The following OR1C1 variants were observed in gnomAD, a reference collection of about 807,000 sequenced individuals.
OR1C1 encodes olfactory receptor 1C1.
For synonymous variants in OR1C1, 153 were observed against 154.6 expected (o/e 0.99, Z 0.08); for missense variants, 407 against 384.3 (o/e 1.06, Z -0.49).
At position 247,757,753 on chromosome 1, in the gene OR1C1, A is replaced by G. The variant is rs769616154; in HGVS notation, c.654T>C (p.Tyr218=). ...TCAGAACAGTGGAGAAGATAAGTCC[A>G]TAAGATACGAGGATACAGACAAGGG... The part of the protein sequence containing the change: ...LTPLVCILVS[Y]GLIFSTVLKI... The change falls in exon 2 of 2, where the codon TAT becomes TAC. Residue 218 remains tyrosine, a synonymous_variant. Transcript: ENST00000641256. 6 of 1,613,994 alleles carry G rather than the reference A, an allele frequency of 3.7e-6. No homozygotes were observed. In the African/African-American group the frequency reaches 5.3e-5, roughly 14 times the overall value.
Position 247,757,330 on chromosome 1 carries a change from G to A in OR1C1, c.*132C>T. 1.5e-6 allele frequency: 1 copy of A among 653,716 alleles called. No homozygotes were observed. The highest frequency in any genetic ancestry group is 2.7e-6 in the Non-Finnish European group (1 of 374,878). The allele number at this position is 653,716 out of a possible 1,614,324, so 40.5% of individuals were successfully genotyped here. On this transcript the variant is annotated 3_prime_UTR_variant, in exon 2 of 2. Transcript: ENST00000641256. The stretch of plus-strand genomic sequence containing the variant: ...GATTTAATGTGATAATTCATATAAA[G>A]TGCTTAACACGATTTCCAGCATAAG...
At chr1:247,760,017 CTTGGTCT>C (rs1661302303) in intron 1 of OR1C1, among the ~76,000 whole-genome samples, 3 of 152,114 alleles carry the variant, frequency 2.0e-5, no homozygotes, top group Admixed American at 6.5e-5. Flanking sequence ...TCCCCTTTTT[CTTGGTCT>C]ACTTCATTGT....
At chr1:247,759,113 C>A (rs1189093240) in intron 1 of OR1C1, among the ~76,000 whole-genome samples, 5 of 152,290 alleles carry the variant, frequency 3.3e-5, no homozygotes, top group African/African-American at 1.2e-4. Flanking sequence ...TCTCCCATAC[C>A]TATCAACATT....
intron 1 of OR1C1, 104 bp from the exon 2 acceptor site, chr1:247,758,523 C>G: frequency 1.6e-6 from 1 of 612,368 alleles, no homozygotes; most frequent in Non-Finnish European, 2.8e-6. Context: ...TGTGTGCATG[C>G]GTGCGCAGGT....
In OR1C1 at chr1:247,758,237, G is replaced by C. The variant is rs1661262705; in HGVS notation, c.170C>G (p.Ser57Cys). The change falls in exon 2 of 2, where the codon TCC (serine) becomes TGC (cysteine). Residue 57 changes from serine (S) to cysteine (C), a missense_variant. Coordinates refer to ENST00000641256, the MANE Select transcript of OR1C1 (RefSeq NM_012353.3). ...GTTACTAAGGAAGAAGTACATAGGG[G>C]AATGGAGGTGAGAGTCAAAGCCAAT... ...ATIGFDSHLH[S>C]PMYFFLSNLA... 6.2e-7 allele frequency: 1 copy of C among 1,613,930 alleles called. No individual in the cohort carries two copies. Among genetic ancestry groups the C allele is most frequent in the South Asian group, 1.1e-5 (1 of 91,072 alleles).
intron 1 of OR1C1, among the ~76,000 whole-genome samples, chr1:247,759,643 C>A (rs1025787092): frequency 6.6e-6 from 1 of 152,074 alleles, no homozygotes; most frequent in Non-Finnish European, 1.5e-5. Context: ...AGATAATATA[C>A]ATGTTCTGGT....
At position 247,756,255 on chromosome 1, in the gene OR1C1, T is replaced by C. The variant is rs1015094590; in HGVS notation, c.*1207A>G. 1.3e-5 allele frequency: 2 copies of C among 152,198 alleles called. No individual in the cohort carries two copies. Among genetic ancestry groups the C allele is most frequent in the Admixed American group, 1.3e-4 (2 of 15,270 alleles). 9.4% of individuals were successfully genotyped at this position (152,198 alleles called of 1,614,324 possible). A position where few individuals can be genotyped will look rare whatever the true frequency, so the allele number is the denominator to read the frequency against. On this transcript the variant is annotated 3_prime_UTR_variant, in exon 2 of 2. Coordinates refer to ENST00000641256, the MANE Select transcript of OR1C1 (RefSeq NM_012353.3). The surrounding 1 kb of genome is among the most constrained non-coding windows in gnomAD (Gnocchi z 4.3). ...TAAACATAGCTCCTAATAGGTATTT[T>C]TTAAACCCTATTTGGTATTATAAAT... is the stretch of plus-strand genomic sequence containing the variant.
chr1:247,757,860 G>C lies in OR1C1; in HGVS notation c.547C>G (p.Pro183Ala). 1 of 1,614,040 alleles carries C rather than the reference G, an allele frequency of 6.2e-7. No homozygotes were observed. Among genetic ancestry groups the C allele is most frequent in the South Asian group, 1.1e-5 (1 of 91,076 alleles). ...IIHHFFCDLN[P>A]LLQLSCSDVS... ...TCAGAGCAAGAGAGCTGCAGGAGAG[G>C]ATTGAGATCACAGAAGAAATGATGG... Residue 183 changes from proline to alanine, a missense_variant, in exon 2 of 2, where the codon CCT (proline) becomes GCT (alanine). Physicochemically the swap from Pro to Ala is conservative, Grantham distance 27. Transcript: ENST00000641256.
rs967686938 is a variant in OR1C1 at position 247,754,908 on chromosome 1, T to C, written c.*2554A>G. 5 of 152,166 alleles carry C rather than the reference T, an allele frequency of 3.3e-5. No individual in the cohort carries two copies. Among genetic ancestry groups the C allele is most frequent in the Admixed American group, 2.0e-4 (3 of 15,262 alleles). The allele number at this position is 152,166 out of a possible 1,614,324, so 9.4% of individuals were successfully genotyped here. ...TCCCTGTGTACTCCATAAGTGTGTA[T>C]GATTATTTTATGCCAATTAAATTTT... On this transcript the variant is annotated 3_prime_UTR_variant, in exon 2 of 2. Transcript: ENST00000641256.
In OR1C1 at chr1:247,759,365, C is replaced by A. The variant is rs778135184; in HGVS notation, c.-13-946G>T. 7.1e-4 allele frequency among the ~76,000 whole-genome samples: 108 copies of A among 151,990 alleles called. 2 individuals carry two copies. Among genetic ancestry groups the A allele is most frequent in the Non-Finnish European group, 2.2e-4 (15 of 67,988 alleles). ...CACAATTTAGGACCAAAGTTTTTTT[C>A]TGACTGAAGCAAAATTTGTGATACC... On this transcript the variant is annotated intron_variant, in intron 1 of 1. Transcript: ENST00000641256.
chr1:247,758,370 C>T lies in OR1C1; in HGVS notation c.37G>A (p.Val13Ile), dbSNP rs187263571. Residue 13 changes from valine to isoleucine, a missense_variant, in exon 2 of 2, where the codon GTC (valine) becomes ATC (isoleucine). Transcript: ENST00000641256. ...KRNLTVVREF[V>I]LLGLPSSAEQ... Reference sequence around the variant, plus strand: ...GCTGAGCTAGGAAGTCCCAGAAGGACGAATTCCCTGACAACTGTTAGATTT... The same window carrying T: ...GCTGAGCTAGGAAGTCCCAGAAGGATGAATTCCCTGACAACTGTTAGATTT... 44 of 1,612,076 alleles carry T rather than the reference C, an allele frequency of 2.7e-5. No individual in the cohort carries two copies. The highest frequency in any genetic ancestry group is 8.9e-5 in the East Asian group (4 of 44,838).
Position 247,757,191 on chromosome 1 carries a change from T to C in OR1C1, c.*271A>G. On this transcript the variant is annotated 3_prime_UTR_variant, in exon 2 of 2. Transcript: ENST00000641256. ...GATTCTCATCACTAAGGTATATTTG[T>C]ACTGGAGTCAGAAACTATTTATCAG... 4.1e-6 allele frequency: 1 copy of C among 242,780 alleles called. No individual in the cohort carries two copies. Among genetic ancestry groups the C allele is most frequent in the South Asian group, 8.9e-5 (1 of 11,268 alleles). 15.0% of individuals were successfully genotyped at this position (242,780 alleles called of 1,614,324 possible). A position where few individuals can be genotyped will look rare whatever the true frequency, so the allele number is the denominator to read the frequency against.
rs1008101792 is a variant in OR1C1 at position 247,756,138 on chromosome 1, T to A, written c.*1324A>T. 2.0e-5 allele frequency: 3 copies of A among 152,306 alleles called. No individual in the cohort carries two copies. Among genetic ancestry groups the A allele is most frequent in the Non-Finnish European group, 2.9e-5 (2 of 68,028 alleles). 9.4% of individuals were successfully genotyped at this position (152,306 alleles called of 1,614,324 possible). Reference sequence around the variant, plus strand: ...CTGAGAATCTACATTTTTAAACTGTTATTTTAGATTCAGGGGTACATGTGC... The same window carrying A: ...CTGAGAATCTACATTTTTAAACTGTAATTTTAGATTCAGGGGTACATGTGC... On this transcript the variant is annotated 3_prime_UTR_variant, in exon 2 of 2. Coordinates refer to ENST00000641256, the MANE Select transcript of OR1C1 (RefSeq NM_012353.3). This position sits in a 1 kb window ranked among gnomAD's most constrained non-coding sequence, Gnocchi z 4.3.
rs1312505941 is a variant in OR1C1 at position 247,756,143 on chromosome 1, T to G, written c.*1319A>C. 2 of 152,158 alleles carry G rather than the reference T, an allele frequency of 1.3e-5. No homozygotes were observed. Among genetic ancestry groups the G allele is most frequent in the Non-Finnish European group, 2.9e-5 (2 of 68,022 alleles). 9.4% of individuals were successfully genotyped at this position (152,158 alleles called of 1,614,324 possible). A position where few individuals can be genotyped will look rare whatever the true frequency, so the allele number is the denominator to read the frequency against. On this transcript the variant is annotated 3_prime_UTR_variant, in exon 2 of 2. Transcript: ENST00000641256. The surrounding 1 kb of genome is among the most constrained non-coding windows in gnomAD (Gnocchi z 4.3). The stretch of plus-strand genomic sequence containing the variant: ...AATCTACATTTTTAAACTGTTATTT[T>G]AGATTCAGGGGTACATGTGCAGATT...
chr1:247,757,338 C>G lies in OR1C1; in HGVS notation c.*124G>C. ...GTGATAATTCATATAAAGTGCTTAA[C>G]ACGATTTCCAGCATAAGGGAGACAT... On this transcript the variant is annotated 3_prime_UTR_variant, in exon 2 of 2. Coordinates refer to ENST00000641256, the MANE Select transcript of OR1C1 (RefSeq NM_012353.3). 1.4e-6 allele frequency: 1 copy of G among 701,864 alleles called. No individual in the cohort carries two copies. The highest frequency in any genetic ancestry group is 2.4e-6 in the Non-Finnish European group (1 of 412,956). The allele number at this position is 701,864 out of a possible 1,614,324, so 43.5% of individuals were successfully genotyped here.
rs965979427 is a variant in OR1C1, at chr1:247,755,915, G to A, written c.*1547C>T. 1 of 152,134 alleles carries A rather than the reference G, an allele frequency of 6.6e-6. No individual in the cohort carries two copies. Among genetic ancestry groups the A allele is most frequent in the Non-Finnish European group, 1.5e-5 (1 of 68,048 alleles). The allele number at this position is 152,134 out of a possible 1,614,324, so 9.4% of individuals were successfully genotyped here. ...GGGGGATATTTGAAAGCCTAACATG[G>A]ATGGTCTCTAAACCCTAGCAGTGTC... On this transcript the variant is annotated 3_prime_UTR_variant, in exon 2 of 2. Transcript: ENST00000641256.
chr1:247,757,539 A>G lies in OR1C1; in HGVS notation c.868T>C (p.Tyr290His). The G allele has an allele frequency of 6.2e-7, 1 of 1,614,040 alleles. No homozygotes were observed. The highest frequency in any genetic ancestry group is 8.5e-7 in the Non-Finnish European group (1 of 1,180,004). The change falls in exon 2 of 2, where the codon TAT becomes CAT. Residue 290 changes from tyrosine (Y) to histidine (H), a missense_variant. Coordinates refer to ENST00000641256, the MANE Select transcript of OR1C1 (RefSeq NM_012353.3). ...MVAPMLNPFI[Y>H]TLRNRDMKRG... is the part of the protein sequence containing the mutation. ...TTCATATCCCTGTTCCTTAGGGTAT[A>G]GATGAAAGGATTCAGCATCGGAGCC...
Position 247,758,175 on chromosome 1 carries a change from C to T in OR1C1, c.232G>A (p.Val78Ile), listed in dbSNP as rs1306378425. The part of the protein sequence containing the change: ...FVDICFTSTT[V>I]PQMVVNILTG... ...AAGATATTCACTACCATTTGGGGGACTGTAGTCGACGTAAAGCAGATGTCA... is the reference window on the plus strand; with the variant it reads ...AAGATATTCACTACCATTTGGGGGATTGTAGTCGACGTAAAGCAGATGTCA... The change falls in exon 2 of 2, where the codon GTC becomes ATC. Residue 78 changes from valine (V) to isoleucine (I), a missense_variant. Val to Ile is a conservative substitution (Grantham distance 29). Coordinates refer to ENST00000641256, the MANE Select transcript of OR1C1 (RefSeq NM_012353.3). 6.2e-7 allele frequency: 1 copy of T among 1,614,038 alleles called. No homozygotes were observed. Among genetic ancestry groups the T allele is most frequent in the South Asian group, 1.1e-5 (1 of 91,074 alleles).
chr1:247,758,631 A>G, intron 1 of OR1C1: 1 of 448,984 alleles, frequency 2.2e-6, no homozygotes, highest in Admixed American at 3.6e-5. Context: ...TGGACATGTC[A>G]GTATCAACTT....
Sources: allele counts gnomAD v4.1 joint callset (sites outside exome capture counted in the v4.1 genomes callset), GRCh38; gene constraint gnomAD v4.1.1; non-coding constraint Gnocchi (gnomAD v3.1); transcripts MANE v1.5; gene names NCBI Gene and HGNC (gene_info 2026-07-23, HGNC 2026-07-21).